LARS1: variants seen among roughly 807,000 people sequenced by gnomAD.
LARS1 encodes leucine--tRNA ligase, cytoplasmic.
A neutral mutation model predicts 162.8 loss-of-function variants in LARS1; 100 were observed. The observed-to-expected ratio is 0.61, with a 90% confidence interval of 0.52 to 0.73. The LOEUF is 0.73. Ranked by LOEUF, LARS1 falls within the 30% of genes least tolerant of loss-of-function variation. The probability of loss-of-function intolerance (pLI) is 0.00; values close to 1 mark genes in which losing one functional copy is unlikely to be tolerated. For missense variants in LARS1, 1,258 were observed against 1,408.9 expected, an observed-to-expected ratio of 0.89 and a Z score of 1.71; for synonymous variants, 457 against 462.8, an observed-to-expected ratio of 0.99 and a Z score of 0.16.
At chr5:146,138,585 G>A (rs951037118) in intron 21 of LARS1, among the ~76,000 whole-genome samples, 2 of 151,866 alleles carry the variant, frequency 1.3e-5, no homozygotes, top group South Asian at 2.1e-4. Flanking sequence ...AAAAGTAGCC[G>A]AGTGTGGTGA....
intron 5 of LARS1, 115 bp downstream of exon 5, chr5:146,168,012 TA>T: frequency 8.7e-6 from 8 of 914,950 alleles, no homozygotes; most frequent in East Asian, 2.7e-5. Context: ...TTTGATACTT[TA>T]AAAAAATGAT....
At chr5:146,174,465 C>CAT (rs57666793) in intron 2 of LARS1, among the ~76,000 whole-genome samples, 23 of 37,430 alleles carry the variant, frequency 6.1e-4, no homozygotes, top group African/African-American at 1.1e-3. Context: ...TATATATATC[C>CAT]ATATATATAT....
At chr5:146,130,200 T>C in intron 24 of LARS1, 42 bp from the exon 25 acceptor site, 1 of 1,584,354 alleles carries the variant, frequency 6.3e-7, no homozygotes, top group Non-Finnish European at 8.6e-7. Context: ...TCACCTTCTT[T>C]AAAATAAAAA....
At chr5:146,153,366 A>T in intron 12 of LARS1, 139 bp from the exon 13 acceptor site, 1 of 644,908 alleles carries the variant, frequency 1.6e-6, no homozygotes, top group Non-Finnish European at 2.7e-6. Context: ...CAATTTTCTA[A>T]CTTTGCCAAA....
chr5:146,173,584 G>A (rs1241196590), intron 2 of LARS1, among the ~76,000 whole-genome samples: 1 of 149,812 alleles, frequency 6.7e-6, no homozygotes, highest in Non-Finnish European at 1.5e-5. Flanking sequence ...TAAAGACAGG[G>A]TTCTCAATAT....
chr5:146,180,568 T>C (rs1754792190), intron 1 of LARS1, among the ~76,000 whole-genome samples: 5 of 152,168 alleles, frequency 3.3e-5, no homozygotes. Context: ...AAGAAGACTA[T>C]GAAAGCAAGT....
At chr5:146,164,665 G>C (rs988269146) in intron 5 of LARS1, among the ~76,000 whole-genome samples, 194 bp from the exon 6 acceptor site, 21 of 152,180 alleles carry the variant, frequency 1.4e-4, no homozygotes, top group African/African-American at 4.8e-4. Flanking sequence ...AATTTAGTCT[G>C]TCAAACTGTA....
chr5:146,176,973 T>C (rs546691713), intron 2 of LARS1, among the ~76,000 whole-genome samples: 2 of 152,120 alleles, frequency 1.3e-5, no homozygotes, highest in Non-Finnish European at 1.5e-5. Context: ...ATATTTAAAA[T>C]ACTGTAGTCT....
chr5:146,176,695 ATTTTGT>A (rs1179740994), intron 2 of LARS1, among the ~76,000 whole-genome samples: 2 of 151,998 alleles, frequency 1.3e-5, no homozygotes, highest in Admixed American at 6.6e-5. Context: ...TGGGGGAGTT[ATTTTGT>A]TTTTGTTTTT....
Position 146,143,513 on chromosome 5 carries a change from T to C in LARS1, c.1776A>G (p.Glu592=). ...TGTAAATAGTGGAGTCAGAAAGTGA[T>C]TCAATCAGCCACTGCTCATCCCAAG... ...HLPWDEQWLI[E]SLSDSTIYMA... Residue 592 remains glutamate, a synonymous_variant, in exon 19 of 32, where the codon GAA becomes GAG. Transcript: ENST00000394434. 3 of 1,613,936 alleles carry C rather than the reference T, an allele frequency of 1.9e-6. No homozygotes were observed. The highest frequency in any genetic ancestry group is 1.3e-5 in the African/African-American group (1 of 75,014).
At chr5:146,156,323 CT>C (rs1753524728) in intron 10 of LARS1, among the ~76,000 whole-genome samples, 1 of 152,080 alleles carries the variant, frequency 6.6e-6, no homozygotes, top group Non-Finnish European at 1.5e-5. Context: ...TCATATTTTT[CT>C]TTTTAAAAAA....
At position 146,143,450 on chromosome 5, in the gene LARS1, AC is replaced by A. The variant is rs1448285386; in HGVS notation, c.1838del (p.Gly613ValfsTer18). The stretch of plus-strand genomic sequence containing the variant: ...GAGACTCTGCCTGTCCATGCAAGTT[AC>A]CCCCCTGCAATAGGTGTGCAACTGT... ...FYTVAHLLQG[G>X]NLHGQAESPL... On this transcript the variant is annotated frameshift_variant, in exon 19 of 32. Coordinates refer to ENST00000394434, the MANE Select transcript of LARS1 (RefSeq NM_020117.11). LOFTEE classifies it high-confidence loss of function. The A allele has an allele frequency of 1.1e-5, 17 of 1,613,660 alleles. No individual in the cohort carries two copies. The highest frequency in any genetic ancestry group is 1.4e-5 in the Non-Finnish European group (16 of 1,179,724).
At chr5:146,163,831 T>C (rs983922310) in intron 6 of LARS1, among the ~76,000 whole-genome samples, 5 of 152,218 alleles carry the variant, frequency 3.3e-5, no homozygotes, top group African/African-American at 9.6e-5. Context: ...TTACTTAAAA[T>C]GATGAGAGAC....
chr5:146,149,484 G>C (rs1304108125), intron 15 of LARS1, 138 bp downstream of exon 15: 2 of 684,092 alleles, frequency 2.9e-6, no homozygotes, highest in Non-Finnish European at 5.2e-6. Flanking sequence ...TTGCTAAATA[G>C]GTCTATTTTC....
chr5:146,137,104 G>A (rs1561806959), intron 21 of LARS1, among the ~76,000 whole-genome samples: 2 of 152,118 alleles, frequency 1.3e-5, no homozygotes. Context: ...CACCACATCG[G>A]CCAGGCTGGT....
At chr5:146,179,125 G>C (rs929321504) in intron 1 of LARS1, among the ~76,000 whole-genome samples, 1 of 151,958 alleles carries the variant, frequency 6.6e-6, no homozygotes, top group Non-Finnish European at 1.5e-5. Context: ...TCAGCTACTC[G>C]GGAGGCAAAG....
At chr5:146,147,027 G>C (rs935742137) in intron 15 of LARS1, among the ~76,000 whole-genome samples, 1 of 152,068 alleles carries the variant, frequency 6.6e-6, no homozygotes, top group South Asian at 2.1e-4. Context: ...GACCTTTTGA[G>C]CTAGAGATTG....
rs1485093931 is a variant in LARS1, at chr5:146,113,908, A to G, written c.*198T>C. The G allele has an allele frequency of 1.8e-6, 1 of 548,204 alleles. No individual in the cohort carries two copies. Among genetic ancestry groups the G allele is most frequent in the Non-Finnish European group, 3.2e-6 (1 of 310,598 alleles). 34.0% of individuals were successfully genotyped at this position (548,204 alleles called of 1,614,324 possible). A position where few individuals can be genotyped will look rare whatever the true frequency, so the allele number is the denominator to read the frequency against. ...CAAAAACCATTTCTCTTGGACACCC[A>G]AAGAAAGGGAAAAAAAATTTATTAG... On this transcript the variant is annotated 3_prime_UTR_variant, in exon 32 of 32. Transcript: ENST00000394434.
chr5:146,176,220 G>A (rs1027540734), intron 2 of LARS1, among the ~76,000 whole-genome samples: 2 of 152,070 alleles, frequency 1.3e-5, no homozygotes, highest in African/African-American at 4.8e-5. Context: ...TTGGGAGGCT[G>A]AGGTGGGCGG....
Sources: allele counts gnomAD v4.1 joint callset (sites outside exome capture counted in the v4.1 genomes callset), GRCh38; gene constraint gnomAD v4.1.1; transcripts MANE v1.5; gene names NCBI Gene and HGNC (gene_info 2026-07-23, HGNC 2026-07-21).